FIGN: variants seen among roughly 807,000 people sequenced by gnomAD.
FIGN encodes the protein fidgetin, microtubule severing factor.
A neutral mutation model predicts 51.3 loss-of-function variants in FIGN; 11 were observed. The observed-to-expected ratio is 0.21, with a 90% CI of 0.13 to 0.35. FIGN has a LOEUF of 0.35. Among genes scored for constraint, FIGN ranks in the 10% least tolerant of loss-of-function variants. The probability of loss-of-function intolerance (pLI) is 1.00; values close to 1 mark genes in which losing one functional copy is unlikely to be tolerated. For missense variants in FIGN, 857 were observed against 943.6 expected (o/e 0.91, Z 1.20); for synonymous variants, 407 against 363.2 (o/e 1.12, Z -1.37).
chr2:163,697,516 G>C (rs1017627490), intron 2 of FIGN, among the ~76,000 whole-genome samples: 1 of 152,112 alleles, frequency 6.6e-6, no homozygotes, highest in Admixed American at 6.6e-5. Context: ...AGGAAGGTGT[G>C]CTGCCTCCTT....
At chr2:163,627,626 T>C (rs1028969180) in intron 2 of FIGN, among the ~76,000 whole-genome samples, 3 of 152,106 alleles carry the variant, frequency 2.0e-5, no homozygotes, top group Admixed American at 6.6e-5. Flanking sequence ...GAATTAGAGC[T>C]TATTAATCCT....
chr2:163,652,789 C>A (rs1055542810), intron 2 of FIGN, among the ~76,000 whole-genome samples: 9 of 151,964 alleles, frequency 5.9e-5, no homozygotes, highest in Non-Finnish European at 1.0e-4. Flanking sequence ...TGGTTTCCGT[C>A]CAAAAAAACA....
intron 2 of FIGN, among the ~76,000 whole-genome samples, chr2:163,667,479 G>T (rs1040875634): frequency 6.6e-6 from 1 of 152,046 alleles, no homozygotes; most frequent in Non-Finnish European, 1.5e-5. Context: ...TCTGTCCAAG[G>T]CCTGCATTTC....
intron 2 of FIGN, among the ~76,000 whole-genome samples, chr2:163,627,522 G>A (rs1004250019): frequency 6.6e-6 from 1 of 152,098 alleles, no homozygotes; most frequent in African/African-American, 2.4e-5. Flanking sequence ...ACTTTTGGAC[G>A]AAGTGGGTTT....
chr2:163,717,738 T>C (rs776275969), intron 2 of FIGN, among the ~76,000 whole-genome samples: 1 of 152,188 alleles, frequency 6.6e-6, no homozygotes, highest in African/African-American at 2.4e-5. Flanking sequence ...AAGAAATCCC[T>C]TTCCTCTCAG....
intron 2 of FIGN, among the ~76,000 whole-genome samples, chr2:163,660,776 CATATACATATATATGTATATAG>C (rs1461532229): frequency 3.6e-5 from 3 of 83,912 alleles, no homozygotes; most frequent in African/African-American, 6.2e-5. Context: ...TATGTATACA[CATATACATATATATGTATATAG>C]ATATACATAT....
At chr2:163,673,397 T>C (rs943594692) in intron 2 of FIGN, among the ~76,000 whole-genome samples, 1 of 152,094 alleles carries the variant, frequency 6.6e-6, no homozygotes, top group Non-Finnish European at 1.5e-5. Context: ...AATATAAACA[T>C]AGTCAATTTT....
In FIGN at chr2:163,602,761, G is replaced by C. The variant is rs766934231; in HGVS notation, c.*6791C>G. On this transcript the variant is annotated 3_prime_UTR_variant, in exon 3 of 3. Coordinates refer to ENST00000333129, the MANE Select transcript of FIGN (RefSeq NM_018086.4). ...GAACCACATTTTTAATTCTTCAATG[G>C]TTACTACTGAAACTAGTTATTCTAT... 4.0e-5 allele frequency: 6 copies of C among 151,832 alleles called. No homozygotes were observed. The highest frequency in any genetic ancestry group is 7.4e-5 in the Non-Finnish European group (5 of 67,936). The allele number at this position is 151,832 out of a possible 1,614,324, so 9.4% of individuals were successfully genotyped here.
chr2:163,711,392 C>T (rs372801091), intron 2 of FIGN, among the ~76,000 whole-genome samples: 18 of 152,076 alleles, frequency 1.2e-4, no homozygotes, highest in African/African-American at 3.1e-4. Context: ...TACCTCCCTA[C>T]GTATTAAATA....
intron 2 of FIGN, among the ~76,000 whole-genome samples, chr2:163,657,126 A>AC (rs1219910495): frequency 6.6e-6 from 1 of 152,072 alleles, no homozygotes; most frequent in African/African-American, 2.4e-5. Flanking sequence ...AAAAAAAAAA[A>AC]AAAACAGAAA....
chr2:163,710,149 A>G (rs1443984528), intron 2 of FIGN, among the ~76,000 whole-genome samples: 2 of 152,188 alleles, frequency 1.3e-5, no homozygotes, highest in Non-Finnish European at 2.9e-5. Context: ...AGTACTGGTC[A>G]TTAGTGTTCC....
At chr2:163,624,708 A>ATATTTT (rs564288395) in intron 2 of FIGN, among the ~76,000 whole-genome samples, 2 of 145,494 alleles carry the variant, frequency 1.4e-5, no homozygotes, top group African/African-American at 5.1e-5. Context: ...ATATATATAT[A>ATATTTT]TTTTTTTTTT....
chr2:163,719,481 G>T (rs1475377589), intron 2 of FIGN, among the ~76,000 whole-genome samples: 2 of 152,156 alleles, frequency 1.3e-5, no homozygotes, highest in Admixed American at 6.5e-5. Context: ...CAAAATGTTG[G>T]CTCCCTGTGT....
chr2:163,633,070 G>T (rs923942709), intron 2 of FIGN, among the ~76,000 whole-genome samples: 1 of 152,040 alleles, frequency 6.6e-6, no homozygotes, highest in Non-Finnish European at 1.5e-5. Context: ...TATGGTCCCA[G>T]CTACTGGGGA....
intron 2 of FIGN, among the ~76,000 whole-genome samples, chr2:163,684,975 C>T (rs1684123932): frequency 7.1e-6 from 1 of 141,446 alleles, no homozygotes; most frequent in African/African-American, 2.7e-5. Flanking sequence ...TTAGTAGAGA[C>T]AAGGTTTTAC....
chr2:163,636,959 G>A (rs1683234562), intron 2 of FIGN, among the ~76,000 whole-genome samples: 1 of 152,142 alleles, frequency 6.6e-6, no homozygotes, highest in African/African-American at 2.4e-5. Flanking sequence ...GGCGCCTGTA[G>A]TCCCAGCTAA....
intron 2 of FIGN, chr2:163,617,381 G>C (rs1573905916): frequency 3.9e-6 from 1 of 254,246 alleles, no homozygotes; most frequent in African/African-American, 2.3e-5. Flanking sequence ...TGCTAAAAAG[G>C]AGGATCCATT....
intron 2 of FIGN, among the ~76,000 whole-genome samples, chr2:163,635,707 C>T (rs1179920056): frequency 6.6e-6 from 1 of 152,032 alleles, no homozygotes; most frequent in Non-Finnish European, 1.5e-5. Flanking sequence ...GAGCGTATAC[C>T]ATGACTGGTC....
Position 163,609,849 on chromosome 2 carries a change from T to C in FIGN, c.1983A>G (p.Ile661Met), listed in dbSNP as rs1691194446. The stretch of plus-strand genomic sequence containing the variant: ...TGTGCTGTGAGAGCAGTTGTACTAT[T>C]ATCTGGTGCCTCGCTGTGCTGTCAG... ...PLPDSTARHQ[I>M]IVQLLSQHNY... Residue 661 changes from isoleucine to methionine, a missense_variant, in exon 3 of 3, where the codon ATA becomes ATG. This residue lies in a region of FIGN where 799 missense variants were observed against 849.5 expected (regional missense o/e 0.94). Coordinates refer to ENST00000333129, the MANE Select transcript of FIGN (RefSeq NM_018086.4). 2 of 1,614,038 alleles carry C rather than the reference T, an allele frequency of 1.2e-6. No individual in the cohort carries two copies. The highest frequency in any genetic ancestry group is 1.7e-5 in the Admixed American group (1 of 60,008).
Sources: allele counts gnomAD v4.1 joint callset (sites outside exome capture counted in the v4.1 genomes callset), GRCh38; gene constraint gnomAD v4.1.1; regional missense constraint gnomAD v4.1.1; transcripts MANE v1.5; gene names NCBI Gene and HGNC (gene_info 2026-07-23, HGNC 2026-07-21).